CFAP52: variants seen among roughly 807,000 people sequenced by gnomAD.
CFAP52 encodes cilia- and flagella-associated protein 52.
In CFAP52, 57 loss-of-function variants were observed where a neutral mutation model predicts 70.5. The observed-to-expected ratio is 0.81, with a 90% CI of 0.65 to 1.01. The LOEUF (loss-of-function observed/expected upper bound fraction) is 1.01, where lower values mean the gene tolerates loss of function less well. Among genes scored for constraint, CFAP52 ranks in the 50% least tolerant of loss-of-function variants. The pLI is 0.00. For synonymous variants in CFAP52, 267 were observed against 292.5 expected, an observed-to-expected ratio of 0.91 and a Z score of 0.89; for missense variants, 785 against 788.5, an observed-to-expected ratio of 1.00 and a Z score of 0.05.
intron 8 of CFAP52, among the ~76,000 whole-genome samples, chr17:9,626,900 T>G (rs1213006439): frequency 6.6e-6 from 1 of 152,222 alleles, no homozygotes; most frequent in Non-Finnish European, 1.5e-5. Flanking sequence ...GGACTCTTTT[T>G]TGAAATGTGT....
rs61595466 is a variant in CFAP52 at position 9,626,861 on chromosome 17, T to C, written c.1026-1811T>C. ...GGGATCCACTTATTTTTTGTTTTAA[T>C]TCTAAAGTGAGTAGGTCTTAAGAGA... is the stretch of plus-strand genomic sequence containing the variant. On this transcript the variant is annotated intron_variant, in intron 8 of 13. Transcript: ENST00000352665. Among the ~76,000 whole-genome samples, 455 of 152,284 alleles carry C rather than the reference T, an allele frequency of 3.0e-3. 5 individuals carry two copies. The highest frequency in any genetic ancestry group is 0.01 in the Middle Eastern group (3 of 294).
intron 3 of CFAP52, 48 bp from the exon 4 acceptor site, chr17:9,594,145 C>G (rs748532407): frequency 2.0e-6 from 3 of 1,527,572 alleles, no homozygotes; most frequent in East Asian, 2.3e-5. Flanking sequence ...ATTTTAAAAG[C>G]CTGTTTTCTC....
chr17:9,607,931 C>G (rs1019164321), intron 6 of CFAP52, among the ~76,000 whole-genome samples, 188 bp from the exon 7 acceptor site: 15 of 152,180 alleles, frequency 9.9e-5, no homozygotes, highest in Non-Finnish European at 1.9e-4. Context: ...GTGTGCAGCA[C>G]TGGCATGACT....
chr17:9,591,742 G>A (rs112283605), intron 3 of CFAP52, among the ~76,000 whole-genome samples: 46 of 152,222 alleles, frequency 3.0e-4, no homozygotes, highest in African/African-American at 9.9e-4. Context: ...AGCCAGGCAC[G>A]GTGGTGTGTG....
chr17:9,609,097 A>G (rs1176141598), intron 7 of CFAP52, among the ~76,000 whole-genome samples: 1 of 152,188 alleles, frequency 6.6e-6, no homozygotes, highest in African/African-American at 2.4e-5. Flanking sequence ...TGCTACCCCC[A>G]GGAAGCCAGG....
intron 9 of CFAP52, among the ~76,000 whole-genome samples, chr17:9,631,623 G>C (rs568690356): frequency 1.3e-3 from 203 of 152,192 alleles, no homozygotes; most frequent in African/African-American, 4.8e-3. Context: ...GTGGGTAGTT[G>C]GGCTAGGGGT....
chr17:9,638,537 C>A, intron 11 of CFAP52, 72 bp from the exon 12 acceptor site: 1 of 1,452,282 alleles, frequency 6.9e-7, no homozygotes, highest in Non-Finnish European at 9.6e-7. Context: ...GCACCAAATC[C>A]AGCTTGAATA....
At chr17:9,605,076 G>A (rs549129536) in intron 6 of CFAP52, among the ~76,000 whole-genome samples, 5 of 152,250 alleles carry the variant, frequency 3.3e-5, no homozygotes, top group African/African-American at 1.2e-4. Flanking sequence ...ATGTAATGCA[G>A]CAGTTGCACT....
At chr17:9,629,496 T>TTTCTTTCTTTCTTTCTTTCTTTC (rs375629381) in intron 9 of CFAP52, among the ~76,000 whole-genome samples, 6 of 146,354 alleles carry the variant, frequency 4.1e-5, no homozygotes, top group African/African-American at 1.5e-4. Flanking sequence ...TCTTTCTTTC[T>TTTCTTTCTTTCTTTCTTTCTTTC]TTTCTTTTCT....
chr17:9,613,500 GTTTT>G lies in CFAP52; in HGVS notation c.1025+1023_1025+1026del, dbSNP rs550616327. ...TTGTTTTGTTTTTTGTTTTTGGGGG[GTTTT>G]TGTTTGTTTGTTTGTTTGTTTGTTT... On this transcript the variant is annotated intron_variant, in intron 8 of 13. Transcript: ENST00000352665. 2.4e-3 allele frequency among the ~76,000 whole-genome samples: 352 copies of G among 149,384 alleles called. 2 individuals are homozygous for G. The highest frequency in any genetic ancestry group is 3.8e-3 in the Non-Finnish European group (259 of 67,616).
At chr17:9,579,071 T>G (rs1360143491) in intron 1 of CFAP52, among the ~76,000 whole-genome samples, 1 of 152,186 alleles carries the variant, frequency 6.6e-6, no homozygotes, top group Non-Finnish European at 1.5e-5. Flanking sequence ...AAAGGGGATC[T>G]GTTCAGTCAG....
chr17:9,605,752 G>A (rs1909464785), intron 6 of CFAP52, among the ~76,000 whole-genome samples: 1 of 151,344 alleles, frequency 6.6e-6, no homozygotes, highest in African/African-American at 2.4e-5. Flanking sequence ...TAGCAGGGAG[G>A]GAGGAGTGAA....
At chr17:9,584,281 G>A (rs1316561117) in intron 1 of CFAP52, 3 of 1,286,866 alleles carry the variant, frequency 2.3e-6, no homozygotes. Context: ...CATGGAAGCA[G>A]TAGTGTTACC....
chr17:9,611,908 G>T (rs975199432), intron 7 of CFAP52, among the ~76,000 whole-genome samples: 1 of 152,060 alleles, frequency 6.6e-6, no homozygotes, highest in Non-Finnish European at 1.5e-5. Context: ...TTCAGATAGG[G>T]TTATCATAGC....
At chr17:9,638,364 G>A (rs990933699) in intron 11 of CFAP52, among the ~76,000 whole-genome samples, 3 of 152,088 alleles carry the variant, frequency 2.0e-5, no homozygotes, top group African/African-American at 4.8e-5. Context: ...TTAGGAAAGG[G>A]CCCTTCCCAT....
chr17:9,628,908 G>A (rs777114820), intron 9 of CFAP52, 88 bp downstream of exon 9: 7 of 1,571,726 alleles, frequency 4.5e-6, no homozygotes, highest in Non-Finnish European at 6.1e-6. Context: ...CTCTACATGT[G>A]GATAACCTAG....
At chr17:9,591,698 G>A (rs1473341133) in intron 3 of CFAP52, among the ~76,000 whole-genome samples, 1 of 152,112 alleles carries the variant, frequency 6.6e-6, no homozygotes, top group African/African-American at 2.4e-5. Flanking sequence ...GGGCAACATA[G>A]GGAGACCCCT....
chr17:9,627,117 T>TA (rs1325586850), intron 8 of CFAP52, among the ~76,000 whole-genome samples: 1 of 152,066 alleles, frequency 6.6e-6, no homozygotes, highest in East Asian at 1.9e-4. Flanking sequence ...GTTGCCTTTT[T>TA]TTTTTTTTTT....
intron 3 of CFAP52, among the ~76,000 whole-genome samples, chr17:9,593,534 C>T (rs1002844043): frequency 1.3e-5 from 2 of 152,114 alleles, no homozygotes; most frequent in Non-Finnish European, 1.5e-5. Flanking sequence ...TGGCTCACTG[C>T]GACCTCCACC....
Sources: allele counts gnomAD v4.1 joint callset (sites outside exome capture counted in the v4.1 genomes callset), GRCh38; gene constraint gnomAD v4.1.1; transcripts MANE v1.5; gene names NCBI Gene and HGNC (gene_info 2026-07-23, HGNC 2026-07-21).